NTM: variants seen among roughly 807,000 people sequenced by gnomAD.
The protein encoded by NTM is IgLON family member 2.
A neutral mutation model predicts 42.1 loss-of-function variants in NTM; 13 were observed. The ratio of observed to expected loss-of-function variants is 0.31; its 90% CI spans 0.20 to 0.49. The LOEUF is 0.49. NTM is among the 20% of genes least tolerant of loss of function. The pLI is 0.99. For missense variants in NTM, 373 were observed against 452.8 expected (o/e 0.82, Z 1.60); for synonymous variants, 187 against 179.2 (o/e 1.04, Z -0.35).
intron 1 of NTM, chr11:131,660,999 C>T (rs751773341): frequency 1.9e-5 from 25 of 1,303,980 alleles, no homozygotes; most frequent in Middle Eastern, 2.1e-4. Flanking sequence ...AAAAAATGAA[C>T]GGAAAAAGAA....
intron 1 of NTM, among the ~76,000 whole-genome samples, chr11:131,564,868 T>TAA (rs2056691067): frequency 6.6e-6 from 1 of 151,568 alleles, no homozygotes; most frequent in African/African-American, 2.4e-5. Flanking sequence ...TACACACACA[T>TAA]ACACACACAC....
chr11:131,398,143 G>C (rs987288012), intron 1 of NTM, among the ~76,000 whole-genome samples: 5 of 152,022 alleles, frequency 3.3e-5, no homozygotes, highest in African/African-American at 1.2e-4. Flanking sequence ...ATAACGATAA[G>C]ACCTTATCAT....
At chr11:132,257,151 C>T (rs1008671880) in intron 4 of NTM, among the ~76,000 whole-genome samples, 7 of 152,166 alleles carry the variant, frequency 4.6e-5, no homozygotes, top group Admixed American at 2.0e-4. Context: ...AGCACGCTTA[C>T]AAGAGAGAAA....
intron 1 of NTM, among the ~76,000 whole-genome samples, chr11:131,793,821 A>G (rs565468327): frequency 6.6e-6 from 1 of 152,196 alleles, no homozygotes; most frequent in Non-Finnish European, 1.5e-5. Flanking sequence ...GCATCAGCAT[A>G]CGGGCTGAGG....
chr11:132,140,278 C>A (rs2068823927), intron 2 of NTM, among the ~76,000 whole-genome samples: 1 of 152,188 alleles, frequency 6.6e-6, no homozygotes, highest in Non-Finnish European at 1.5e-5. Context: ...GTGGGACTCA[C>A]AGTGCAGTGT....
intron 1 of NTM, among the ~76,000 whole-genome samples, chr11:131,805,626 G>A (rs2092438161): frequency 6.6e-6 from 1 of 152,242 alleles, no homozygotes; most frequent in Non-Finnish European, 1.5e-5. Flanking sequence ...ATAGCATCTG[G>A]AATACAGTAA....
chr11:132,090,238 C>A (rs2060225524), intron 2 of NTM, among the ~76,000 whole-genome samples: 1 of 152,206 alleles, frequency 6.6e-6, no homozygotes, highest in East Asian at 1.9e-4. Flanking sequence ...TAATCTAAAT[C>A]TGCCTGGCAA....
intron 4 of NTM, among the ~76,000 whole-genome samples, chr11:132,297,850 C>A (rs1448753594): frequency 6.6e-6 from 1 of 152,156 alleles, no homozygotes; most frequent in African/African-American, 2.4e-5. Flanking sequence ...TGTAGAATCT[C>A]TTCTTAAGGA....
chr11:131,735,838 GTGTGTGTGTGT>G (rs2080356802), intron 1 of NTM, among the ~76,000 whole-genome samples: 2 of 99,366 alleles, frequency 2.0e-5, no homozygotes, highest in Admixed American at 8.5e-5. Context: ...TTCATAAGGT[GTGTGTGTGTGT>G]GTGTGTGTGT....
intron 1 of NTM, among the ~76,000 whole-genome samples, chr11:131,873,944 G>T (rs1036576564): frequency 8.1e-6 from 1 of 123,818 alleles, no homozygotes; most frequent in Non-Finnish European, 1.7e-5. Context: ...TGCTGAGAAT[G>T]ATGGTTTCCA....
At chr11:131,656,219 G>T (rs746685175) in intron 1 of NTM, among the ~76,000 whole-genome samples, 16 of 152,178 alleles carry the variant, frequency 1.1e-4, no homozygotes, top group Admixed American at 7.9e-4. Context: ...AAAGACCTCA[G>T]GAAAAAAAGT....
At chr11:131,564,885 T>C (rs557287013) in intron 1 of NTM, among the ~76,000 whole-genome samples, 1 of 151,358 alleles carries the variant, frequency 6.6e-6, no homozygotes, top group East Asian at 1.9e-4. Context: ...ACACACACCT[T>C]TCTTCTGTAA....
chr11:131,479,811 A>C (rs915814859), intron 1 of NTM, among the ~76,000 whole-genome samples: 12 of 152,204 alleles, frequency 7.9e-5, no homozygotes, highest in Admixed American at 4.6e-4. Context: ...TCAGCACAGA[A>C]AGCAAGTCAG....
chr11:132,314,795 G>T (rs2095379952), intron 7 of NTM, 92 bp downstream of exon 7: 7 of 1,450,880 alleles, frequency 4.8e-6, no homozygotes, highest in South Asian at 1.6e-5. Flanking sequence ...AGGGTCAGAG[G>T]TTAGCAGGGT....
chr11:132,272,364 C>T (rs1403579571), intron 4 of NTM, among the ~76,000 whole-genome samples: 1 of 151,972 alleles, frequency 6.6e-6, no homozygotes, highest in African/African-American at 2.4e-5. Flanking sequence ...CTTCTAGGAC[C>T]CTTGAATTGC....
chr11:132,259,599 GA>G (rs1320399871), intron 4 of NTM, among the ~76,000 whole-genome samples: 1 of 151,836 alleles, frequency 6.6e-6, no homozygotes, highest in Non-Finnish European at 1.5e-5. Flanking sequence ...AGAATCGTTT[GA>G]ACCCGGGAGG....
chr11:132,298,473 C>A (rs2094709926), intron 4 of NTM, among the ~76,000 whole-genome samples: 1 of 152,144 alleles, frequency 6.6e-6, no homozygotes, highest in Admixed American at 6.6e-5. Context: ...CAGATTTGAG[C>A]TGACAGGCCT....
intron 1 of NTM, chr11:131,773,994 T>C: frequency 1.0e-6 from 1 of 984,072 alleles, no homozygotes; most frequent in Non-Finnish European, 1.2e-6. Context: ...ATTCCTGACA[T>C]CTTCCGTCGT....
chr11:132,294,520 T>C (rs543447298), intron 4 of NTM, among the ~76,000 whole-genome samples: 1 of 152,284 alleles, frequency 6.6e-6, no homozygotes, highest in South Asian at 2.1e-4. Flanking sequence ...AAATGTTCCT[T>C]TATTTTCCCT....
Sources: allele counts gnomAD v4.1 joint callset (sites outside exome capture counted in the v4.1 genomes callset), GRCh38; gene constraint gnomAD v4.1.1; transcripts MANE v1.5; gene names NCBI Gene and HGNC (gene_info 2026-07-23, HGNC 2026-07-21).